MAGI3: variants seen among roughly 807,000 people sequenced by gnomAD.
The protein encoded by MAGI3 is membrane associated guanylate kinase, WW and PDZ domain containing 3.
Under a neutral mutation model 121.8 loss-of-function variants are expected in MAGI3, and 43 were observed. The observed-to-expected ratio is 0.35, with a 90% CI of 0.28 to 0.46. MAGI3 has a LOEUF of 0.46. Among genes scored for constraint, MAGI3 ranks in the 20% least tolerant of loss-of-function variants. The probability of loss-of-function intolerance (pLI) is 1.00; values close to 1 mark genes in which losing one functional copy is unlikely to be tolerated. For missense variants in MAGI3, 1,547 were observed against 1,797.3 expected, an observed-to-expected ratio of 0.86 and a Z score of 2.52; for synonymous variants, 553 against 639.3, an observed-to-expected ratio of 0.86 and a Z score of 2.04.
At chr1:113,513,538 A>G (rs1657726049) in intron 1 of MAGI3, among the ~76,000 whole-genome samples, 1 of 152,160 alleles carries the variant, frequency 6.6e-6, no homozygotes, top group Non-Finnish European at 1.5e-5. Context: ...AGGATTCTCT[A>G]TTTAATAAAT....
intron 6 of MAGI3, among the ~76,000 whole-genome samples, chr1:113,594,957 A>G (rs1370572383): frequency 6.6e-6 from 1 of 152,202 alleles, no homozygotes; most frequent in Admixed American, 6.5e-5. Context: ...ATTACAGTAG[A>G]TATGCAAGTA....
chr1:113,478,106 T>C (rs1445580602), intron 1 of MAGI3, among the ~76,000 whole-genome samples: 1 of 152,196 alleles, frequency 6.6e-6, no homozygotes, highest in Non-Finnish European at 1.5e-5. Flanking sequence ...CTCTACACTG[T>C]TTATTCTAGT....
At chr1:113,461,511 G>A (rs1031274077) in intron 1 of MAGI3, among the ~76,000 whole-genome samples, 1 of 152,178 alleles carries the variant, frequency 6.6e-6, no homozygotes, top group Non-Finnish European at 1.5e-5. Context: ...TGGGATAACT[G>A]GCTAGCCATA....
At chr1:113,448,550 T>C (rs896834695) in intron 1 of MAGI3, among the ~76,000 whole-genome samples, 2 of 152,248 alleles carry the variant, frequency 1.3e-5, no homozygotes, top group African/African-American at 4.8e-5. Flanking sequence ...TAAACTAATA[T>C]CAGAGTTCTT....
chr1:113,664,792 C>T (rs1233454050), intron 16 of MAGI3, among the ~76,000 whole-genome samples: 1 of 152,144 alleles, frequency 6.6e-6, no homozygotes, highest in South Asian at 2.1e-4. Flanking sequence ...TCTGATTGCC[C>T]ATGAATTTCA....
intron 19 of MAGI3, among the ~76,000 whole-genome samples, chr1:113,679,131 A>T (rs144296802): frequency 6.6e-6 from 1 of 152,164 alleles, no homozygotes; most frequent in Non-Finnish European, 1.5e-5. Flanking sequence ...AGTGCGGCAC[A>T]TGTACAGGTT....
chr1:113,655,380 G>C (rs961860785), intron 15 of MAGI3, among the ~76,000 whole-genome samples: 1 of 152,038 alleles, frequency 6.6e-6, no homozygotes, highest in African/African-American at 2.4e-5. Flanking sequence ...TTTGGGGAAA[G>C]TCTAGTGTTC....
At chr1:113,596,082 G>A (rs1256844677) in intron 6 of MAGI3, among the ~76,000 whole-genome samples, 1 of 151,436 alleles carries the variant, frequency 6.6e-6, no homozygotes, top group African/African-American at 2.4e-5. Flanking sequence ...GATATATTCT[G>A]TTCATTAGCC....
chr1:113,638,230 C>T (rs879188535), intron 9 of MAGI3, among the ~76,000 whole-genome samples: 4 of 152,208 alleles, frequency 2.6e-5, no homozygotes, highest in Admixed American at 2.0e-4. Context: ...TCTCTCAACT[C>T]GTCAAAGTCA....
At chr1:113,435,190 T>C (rs1317214967) in intron 1 of MAGI3, among the ~76,000 whole-genome samples, 2 of 152,184 alleles carry the variant, frequency 1.3e-5, no homozygotes, top group African/African-American at 4.8e-5. Flanking sequence ...GGAAATTAGA[T>C]TTTAGTGTTT....
At chr1:113,542,738 C>G (rs578035843) in intron 1 of MAGI3, among the ~76,000 whole-genome samples, 50 of 152,286 alleles carry the variant, frequency 3.3e-4, no homozygotes, top group Non-Finnish European at 5.3e-4. Flanking sequence ...GACCATGTCT[C>G]TTACACACAC....
At chr1:113,653,771 T>C in intron 14 of MAGI3, 59 bp from the exon 15 acceptor site, 1 of 1,409,410 alleles carries the variant, frequency 7.1e-7, no homozygotes, top group Non-Finnish European at 9.5e-7. Context: ...ATAAAAACAC[T>C]TTAGTCACCA....
At chr1:113,521,088 ATT>A (rs112195143) in intron 1 of MAGI3, among the ~76,000 whole-genome samples, 11 of 141,086 alleles carry the variant, frequency 7.8e-5, no homozygotes, top group Non-Finnish European at 7.7e-5. Flanking sequence ...AGTGCTATTC[ATT>A]TTTTTTTTTT....
At chr1:113,513,590 CT>C (rs1464047140) in intron 1 of MAGI3, among the ~76,000 whole-genome samples, 1 of 152,230 alleles carries the variant, frequency 6.6e-6, no homozygotes, top group East Asian at 1.9e-4. Flanking sequence ...AAAGCTGAAA[CT>C]GGATCCCTTC....
intron 5 of MAGI3, among the ~76,000 whole-genome samples, chr1:113,593,069 A>G (rs1648786568): frequency 6.6e-6 from 1 of 152,124 alleles, no homozygotes; most frequent in Non-Finnish European, 1.5e-5. Flanking sequence ...CTAGTATTAT[A>G]CCTGGCAGTG....
intron 1 of MAGI3, among the ~76,000 whole-genome samples, chr1:113,473,455 C>T (rs1655647606): frequency 7.4e-6 from 1 of 135,238 alleles, no homozygotes; most frequent in African/African-American, 2.7e-5. Flanking sequence ...GTGATGCTCT[C>T]TGCCCTGTGT....
At chr1:113,645,908 T>A (rs978706980) in intron 11 of MAGI3, among the ~76,000 whole-genome samples, 28 of 152,242 alleles carry the variant, frequency 1.8e-4, no homozygotes, top group African/African-American at 6.8e-4. Context: ...AATATGCTAC[T>A]ATGCTTTCCC....
intron 1 of MAGI3, among the ~76,000 whole-genome samples, chr1:113,544,469 C>T (rs913176489): frequency 6.6e-6 from 1 of 152,156 alleles, no homozygotes; most frequent in African/African-American, 2.4e-5. Context: ...GCATCTATGG[C>T]TGTGATTTCA....
chr1:113,659,230 G>A lies in MAGI3; in HGVS notation c.2780G>A (p.Gly927Asp). ...ATTGTTCAGCTGATCAAAGATGCTGGTGTCACCGTCACACTAACGGTCATT... is the reference window on the plus strand; with the variant it reads ...ATTGTTCAGCTGATCAAAGATGCTGATGTCACCGTCACACTAACGGTCATT... Reference protein sequence around the residue: ...DNIVQLIKDAGVTVTLTVIAE... With the variant: ...DNIVQLIKDADVTVTLTVIAE... The change falls in exon 16 of 21, where the codon GGT becomes GAT. Residue 927 changes from glycine (G) to aspartate (D), a missense_variant. Transcript: ENST00000307546. 6.2e-7 allele frequency: 1 copy of A among 1,613,946 alleles called. No individual in the cohort carries two copies. The highest frequency in any genetic ancestry group is 8.5e-7 in the Non-Finnish European group (1 of 1,179,932).
Sources: gnomAD v4.1 joint callset for allele counts (sites outside exome capture counted in the v4.1 genomes callset) on GRCh38, gnomAD v4.1.1 for gene constraint, MANE v1.5 for transcripts, NCBI Gene and HGNC (gene_info 2026-07-23, HGNC 2026-07-21) for gene names.